LYRM4: variants seen among roughly 807,000 people sequenced by gnomAD.
The protein encoded by LYRM4 is LYR motif-containing protein 4.
LYRM4 carries 9 observed loss-of-function variants against 11.7 expected under a neutral mutation model. The observed-to-expected ratio is 0.77, with a 90% CI of 0.46 to 1.34. The LOEUF (loss-of-function observed/expected upper bound fraction) is 1.34, where lower values mean the gene tolerates loss of function less well. Among genes scored for constraint, LYRM4 ranks in the 40% most tolerant of loss-of-function variants. LYRM4 has a pLI of 0.00. For synonymous variants in LYRM4, 42 were observed against 40.4 expected, an observed-to-expected ratio of 1.04 and a Z score of -0.15; for missense variants, 133 against 112.5, an observed-to-expected ratio of 1.18 and a Z score of -0.82.
intron 2 of LYRM4, among the ~76,000 whole-genome samples, chr6:5,185,039 G>A (rs1285334640): frequency 6.6e-6 from 1 of 152,158 alleles, no homozygotes; most frequent in Non-Finnish European, 1.5e-5. Flanking sequence ...TTGACGCACT[G>A]AAGTCCCTTC....
the LYRM4 span, among the ~76,000 whole-genome samples, chr6:5,074,708 C>G: frequency 1.3e-5 from 2 of 150,598 alleles, no homozygotes; most frequent in African/African-American, 4.9e-5. Flanking sequence ...TGGAGAAGCA[C>G]AAGTAAGGGA....
intron 1 of LYRM4, among the ~76,000 whole-genome samples, chr6:5,228,332 A>C (rs922258435): frequency 1.3e-5 from 2 of 152,042 alleles, no homozygotes; most frequent in African/African-American, 2.4e-5. Flanking sequence ...GCTGCAGTGC[A>C]GTAATGCGGT....
the LYRM4 span, chr6:5,066,597 A>G: frequency 8.9e-7 from 1 of 1,118,600 alleles, no homozygotes; most frequent in Non-Finnish European, 1.4e-6. Flanking sequence ...ATGTGGAATA[A>G]AAGTTTTGTC....
At chr6:5,191,592 G>C (rs1162882224) in intron 2 of LYRM4, among the ~76,000 whole-genome samples, 3 of 152,064 alleles carry the variant, frequency 2.0e-5, no homozygotes, top group East Asian at 1.9e-4. Flanking sequence ...TCATTAAAAC[G>C]GGCCCTAGTG....
intron 2 of LYRM4, among the ~76,000 whole-genome samples, chr6:5,208,850 G>C (rs1213699013): frequency 6.6e-6 from 1 of 152,162 alleles, no homozygotes; most frequent in Non-Finnish European, 1.5e-5. Context: ...GTCATACAGG[G>C]GCCAAGCTAT....
chr6:5,158,473 GTTTTTTT>G (rs3055917), intron 2 of LYRM4, among the ~76,000 whole-genome samples: 3 of 128,560 alleles, frequency 2.3e-5, no homozygotes, highest in African/African-American at 5.8e-5. Flanking sequence ...TGGTCTCCAC[GTTTTTTT>G]TTTTTTTTTT....
chr6:5,110,736 G>A (rs912383135), intron 2 of LYRM4, among the ~76,000 whole-genome samples: 4 of 152,126 alleles, frequency 2.6e-5, no homozygotes, highest in African/African-American at 9.7e-5. Context: ...GGGGTGTAGA[G>A]AATGAGTGCT....
intron 1 of LYRM4, among the ~76,000 whole-genome samples, chr6:5,241,284 C>G (rs960685893): frequency 2.0e-5 from 3 of 152,300 alleles, no homozygotes; most frequent in African/African-American, 7.2e-5. Context: ...ATATTAAAGT[C>G]TATAACATAC....
intron 2 of LYRM4, among the ~76,000 whole-genome samples, chr6:5,139,417 G>C (rs1250711035): frequency 6.6e-6 from 1 of 152,230 alleles, no homozygotes; most frequent in African/African-American, 2.4e-5. Flanking sequence ...AATACAAACT[G>C]GAGTAGGACA....
At chr6:5,063,789 C>A in the LYRM4 span, among the ~76,000 whole-genome samples, 1 of 152,330 alleles carries the variant, frequency 6.6e-6, no homozygotes, top group South Asian at 2.1e-4. Context: ...CACCCAGCCC[C>A]TCTTCAGGCT....
chr6:5,128,255 T>C (rs182737027), intron 2 of LYRM4, among the ~76,000 whole-genome samples: 18 of 152,312 alleles, frequency 1.2e-4, no homozygotes, highest in Non-Finnish European at 2.5e-4. Context: ...GAAGCTGCCA[T>C]AGTGAAGAGG....
chr6:5,063,146 AT>A, the LYRM4 span, among the ~76,000 whole-genome samples: 10 of 151,866 alleles, frequency 6.6e-5, no homozygotes, highest in African/African-American at 2.4e-4. Flanking sequence ...CCTGAATAGG[AT>A]TTTTTTTGAA....
At chr6:5,143,821 G>C (rs1272922531) in intron 2 of LYRM4, among the ~76,000 whole-genome samples, 3 of 152,236 alleles carry the variant, frequency 2.0e-5, no homozygotes, top group Non-Finnish European at 4.4e-5. Flanking sequence ...TGGCGACAGA[G>C]GCCTTTGTGA....
At chr6:5,245,116 ATATATATATAT>A (rs1764119170) in intron 1 of LYRM4, among the ~76,000 whole-genome samples, 8 of 14,718 alleles carry the variant, frequency 5.4e-4, no homozygotes, top group Admixed American at 1.9e-3. Flanking sequence ...AAAAAAAAAT[ATATATATATAT>A]ATATATATAT....
chr6:5,034,486 G>A, the LYRM4 span: 2 of 152,228 alleles, frequency 1.3e-5, no homozygotes, highest in South Asian at 4.1e-4. Context: ...AGTCATCCTT[G>A]CAGTAATGAA....
chr6:5,175,631 T>C (rs2127671605), intron 2 of LYRM4, among the ~76,000 whole-genome samples: 1 of 152,320 alleles, frequency 6.6e-6, no homozygotes, highest in Admixed American at 6.5e-5. Flanking sequence ...ACACATTTTG[T>C]GACACCCCTG....
chr6:5,251,632 T>C (rs1315641741), intron 1 of LYRM4, among the ~76,000 whole-genome samples: 8 of 152,206 alleles, frequency 5.3e-5, no homozygotes, highest in Admixed American at 6.5e-5. Context: ...AAACTATTCA[T>C]GAGAAACCTG....
At chr6:5,040,882 GA>G in the LYRM4 span, among the ~76,000 whole-genome samples, 8 of 150,040 alleles carry the variant, frequency 5.3e-5, no homozygotes, top group Non-Finnish European at 8.9e-5. Flanking sequence ...TGGGGAAACA[GA>G]AAAAAAAAAT....
At chr6:5,230,737 TAGG>T (rs1763187642) in intron 1 of LYRM4, among the ~76,000 whole-genome samples, 1 of 152,172 alleles carries the variant, frequency 6.6e-6, no homozygotes, top group Non-Finnish European at 1.5e-5. Context: ...AAATAGGAAA[TAGG>T]AGTCAAATAA....
Sources: allele counts gnomAD v4.1 joint callset (sites outside exome capture counted in the v4.1 genomes callset), GRCh38; gene constraint gnomAD v4.1.1; transcripts MANE v1.5; gene names NCBI Gene and HGNC (gene_info 2026-07-23, HGNC 2026-07-21).